The following IQCH variants were observed in gnomAD, a reference collection of about 807,000 sequenced individuals.
IQCH encodes IQ motif containing H, also known as IQ domain-containing protein H.
A neutral mutation model predicts 117.0 loss-of-function variants in IQCH; 98 were observed. The ratio of observed to expected loss-of-function variants is 0.84; its 90% CI spans 0.71 to 0.99. IQCH has a LOEUF of 0.99. Among genes scored for constraint, IQCH ranks in the 50% least tolerant of loss-of-function variants. The pLI is 0.00. For missense variants in IQCH, 1,102 were observed against 1,243.8 expected (o/e 0.89, Z 1.72); for synonymous variants, 412 against 448.2 (o/e 0.92, Z 1.02).
At chr15:67,281,046 A>G (rs945250185) in intron 4 of IQCH, among the ~76,000 whole-genome samples, 1 of 152,018 alleles carries the variant, frequency 6.6e-6, no homozygotes, top group African/African-American at 2.4e-5. Flanking sequence ...GGGTTTCACC[A>G]TCTTGGCCGG....
intron 6 of IQCH, among the ~76,000 whole-genome samples, chr15:67,355,410 C>T (rs1344349529): frequency 6.6e-6 from 1 of 151,864 alleles, no homozygotes; most frequent in African/African-American, 2.4e-5. Flanking sequence ...CACAGTGAAA[C>T]CCCGTCTCTA....
At position 67,400,491 on chromosome 15, in the gene IQCH, C is replaced by CTTTTCTTTTTTTTTTT. The variant is rs776111763; in HGVS notation, c.2097+190_2097+191insCTTTTTTTTTTTTTTT. 1.7e-3 allele frequency among the ~76,000 whole-genome samples: 201 copies of CTTTTCTTTTTTTTTTT among 115,520 alleles called. 3 individuals are homozygous for CTTTTCTTTTTTTTTTT. Among genetic ancestry groups the CTTTTCTTTTTTTTTTT allele is most frequent in the South Asian group, 6.6e-3 (22 of 3,358 alleles). 75.8% of individuals were successfully genotyped at this position (115,520 alleles called of 152,430 possible). The stretch of plus-strand genomic sequence containing the variant: ...TGGGATTGACTGAGTTCTTTTTTTT[C>CTTTTCTTTTTTTTTTT]TTTTTTTTTTTGAGATGGGGCCTCA... On this transcript the variant is annotated intron_variant, in intron 14 of 20. Transcript: ENST00000335894.
At chr15:67,300,330 ATACT>A (rs958545067) in intron 4 of IQCH, among the ~76,000 whole-genome samples, 3 of 152,110 alleles carry the variant, frequency 2.0e-5, no homozygotes, top group Non-Finnish European at 4.4e-5. Context: ...AATTTACAAG[ATACT>A]TACCATACAT....
chr15:67,291,073 T>A (rs769203621), intron 4 of IQCH, among the ~76,000 whole-genome samples: 6 of 152,186 alleles, frequency 3.9e-5, no homozygotes, highest in Non-Finnish European at 7.3e-5. Context: ...CAATCATTAT[T>A]CATGCAAGTC....
In IQCH at chr15:67,396,859, T is replaced by C. The variant is rs115986253; in HGVS notation, c.1905+1296T>C. On this transcript the variant is annotated intron_variant, in intron 13 of 20. Coordinates refer to ENST00000335894, the MANE Select transcript of IQCH (RefSeq NM_001031715.3). ...TTAGTTTGAAGATACTATTAGCTTA[T>C]TAAATTGCCAGCAAGTATTTCACTC... Among the ~76,000 whole-genome samples, 722 of 152,366 alleles carry C rather than the reference T, an allele frequency of 4.7e-3. 4 individuals are homozygous for C. Among genetic ancestry groups the C allele is most frequent in the African/African-American group, 0.017 (687 of 41,594 alleles).
chr15:67,491,847 C>T lies in IQCH; in HGVS notation c.2861+1783C>T, dbSNP rs1326405321. Among the ~76,000 whole-genome samples, 3 of 152,046 alleles carry T rather than the reference C, an allele frequency of 2.0e-5. No individual in the cohort carries two copies. Among genetic ancestry groups the T allele is most frequent in the African/African-American group, 7.2e-5 (3 of 41,402 alleles). Reference sequence around the variant, plus strand: ...TTTGAAAGCATTTTATCAACTGTGCCAGGCACAGTTCTAGGTGCTGGGGAA... The same window carrying T: ...TTTGAAAGCATTTTATCAACTGTGCTAGGCACAGTTCTAGGTGCTGGGGAA... On this transcript the variant is annotated intron_variant, in intron 19 of 20. Coordinates refer to ENST00000335894, the MANE Select transcript of IQCH (RefSeq NM_001031715.3). The surrounding 1 kb of genome is among the most constrained non-coding windows in gnomAD (Gnocchi z 4.9).
At chr15:67,286,754 G>A (rs186819136) in intron 4 of IQCH, among the ~76,000 whole-genome samples, 97 of 152,002 alleles carry the variant, frequency 6.4e-4, no homozygotes, top group Admixed American at 4.3e-3. Flanking sequence ...GATTACAGGC[G>A]CAGGCCACCA....
rs111931256 is a variant in IQCH, at chr15:67,445,444, T to TTTTG, written c.2506-19675_2506-19672dup. Among the ~76,000 whole-genome samples, 21,192 of 152,034 alleles carry TTTTG rather than the reference T, an allele frequency of 0.14. 1,509 individuals carry two copies. Among genetic ancestry groups the TTTTG allele is most frequent in the East Asian group, 0.21 (1,062 of 5,164 alleles). On this transcript the variant is annotated intron_variant, in intron 16 of 20. Coordinates refer to ENST00000335894, the MANE Select transcript of IQCH (RefSeq NM_001031715.3). This position sits in a 1 kb window ranked among gnomAD's most constrained non-coding sequence, Gnocchi z 4.3. ...AGAGTACCTACCTCATGTCTGGTTTTTTTGTTTGTTTTTGAGATGGAGTCT... is the reference window on the plus strand; with the variant it reads ...AGAGTACCTACCTCATGTCTGGTTTTTTTGTTTGTTTGTTTTTGAGATGGAGTCT...
rs1971839140 is a variant in IQCH at position 67,405,208 on chromosome 15, C to T, written c.2097+4903C>T. On this transcript the variant is annotated intron_variant, in intron 14 of 20. Coordinates refer to ENST00000335894, the MANE Select transcript of IQCH (RefSeq NM_001031715.3). This position sits in a 1 kb window ranked among gnomAD's most constrained non-coding sequence, Gnocchi z 4.8. The stretch of plus-strand genomic sequence containing the variant: ...AAAAAATCTAGGTTATTATTTTTTC[C>T]AGTCATGAAACTACATATAAATGAT... 6.6e-6 allele frequency: 1 copy of T among 151,788 alleles called. No individual in the cohort carries two copies. The highest frequency in any genetic ancestry group is 1.5e-5 in the Non-Finnish European group (1 of 67,952). The allele number at this position is 151,788 out of a possible 1,614,324, so 9.4% of individuals were successfully genotyped here.
chr15:67,413,707 A>C lies in IQCH; in HGVS notation c.2098-3224A>C, dbSNP rs1286072050. On this transcript the variant is annotated intron_variant, in intron 14 of 20. Transcript: ENST00000335894. The surrounding 1 kb of genome is among the most constrained non-coding windows in gnomAD (Gnocchi z 5.0). ...TTCCTCTCCATGCCTTTTTTCTTAG[A>C]GAATGAATCATGGCCCCAAGCTGCC... 2.4e-4 allele frequency among the ~76,000 whole-genome samples: 37 copies of C among 152,212 alleles called. No homozygotes were observed. Among genetic ancestry groups the C allele is most frequent in the Non-Finnish European group, 2.9e-5 (2 of 68,000 alleles).
intron 14 of IQCH, among the ~76,000 whole-genome samples, 181 bp downstream of exon 14, chr15:67,400,486 T>TTTTC (rs1971611644): frequency 2.9e-5 from 2 of 68,978 alleles, no homozygotes; most frequent in South Asian, 1.2e-3. Context: ...TGAGTTCTTT[T>TTTTC]TTTTCTTTTT....
chr15:67,324,005 G>T (rs1384455543), intron 4 of IQCH, among the ~76,000 whole-genome samples: 1 of 143,434 alleles, frequency 7.0e-6, no homozygotes, highest in Non-Finnish European at 1.5e-5. Flanking sequence ...ATGCAATGGC[G>T]TGATCTCGGC....
At chr15:67,421,190 T>A in intron 15 of IQCH, 101 bp from the exon 16 acceptor site, 1 of 915,286 alleles carries the variant, frequency 1.1e-6, no homozygotes, top group Non-Finnish European at 1.6e-6. Flanking sequence ...GAATGTAAGC[T>A]ACTTGCCCAA....
intron 4 of IQCH, among the ~76,000 whole-genome samples, chr15:67,314,128 A>G (rs1056067558): frequency 6.6e-5 from 10 of 152,070 alleles, no homozygotes; most frequent in Non-Finnish European, 8.8e-5. Context: ...CCCCACTACT[A>G]CTTACAATTC....
intron 3 of IQCH, among the ~76,000 whole-genome samples, chr15:67,276,732 G>A (rs139733321): frequency 4.1e-4 from 62 of 151,434 alleles, no homozygotes; most frequent in African/African-American, 1.5e-3. Flanking sequence ...TTTCTCCCTG[G>A]CTTCTTGCAA....
At chr15:67,287,388 T>C (rs1966602490) in intron 4 of IQCH, among the ~76,000 whole-genome samples, 1 of 152,152 alleles carries the variant, frequency 6.6e-6, no homozygotes, top group Non-Finnish European at 1.5e-5. Context: ...AACAGTGAGG[T>C]CATCGGGTAC....
chr15:67,416,867 T>C lies in IQCH; in HGVS notation c.2098-64T>C. On this transcript the variant is annotated intron_variant, in intron 14 of 20. Coordinates refer to ENST00000335894, the MANE Select transcript of IQCH (RefSeq NM_001031715.3). This position sits in a 1 kb window ranked among gnomAD's most constrained non-coding sequence, Gnocchi z 5.1. ...TGTTGGAGGCCTGGTTTTTAATCAC[T>C]CCACAAGCAGTTTTCATTTCTGTAG... 4.2e-6 allele frequency: 6 copies of C among 1,441,178 alleles called. No individual in the cohort carries two copies. The highest frequency in any genetic ancestry group is 5.5e-6 in the Non-Finnish European group (6 of 1,084,328). 89.3% of individuals were successfully genotyped at this position (1,441,178 alleles called of 1,614,324 possible). A position where few individuals can be genotyped will look rare whatever the true frequency, so the allele number is the denominator to read the frequency against.
chr15:67,489,134 C>T (rs1033091209), intron 18 of IQCH, among the ~76,000 whole-genome samples: 7 of 140,946 alleles, frequency 5.0e-5, no homozygotes, highest in South Asian at 2.3e-4. Context: ...CCCAGGTTCA[C>T]GCCATTTTCC....
In IQCH at chr15:67,385,644, G is replaced by A. The variant is rs1371203639; in HGVS notation, c.1456+625G>A. On this transcript the variant is annotated intron_variant, in intron 11 of 20. Coordinates refer to ENST00000335894, the MANE Select transcript of IQCH (RefSeq NM_001031715.3). The surrounding 1 kb of genome is among the most constrained non-coding windows in gnomAD (Gnocchi z 4.6). ...ACACCCATCTGGAGCCAGGAGAGAAGGATGCCTGAATGTGATAGCTTTGGT... is the reference window on the plus strand; with the variant it reads ...ACACCCATCTGGAGCCAGGAGAGAAAGATGCCTGAATGTGATAGCTTTGGT... 6.6e-6 allele frequency among the ~76,000 whole-genome samples: 1 copy of A among 152,134 alleles called. No homozygotes were observed. The highest frequency in any genetic ancestry group is 1.5e-5 in the Non-Finnish European group (1 of 68,022).
Sources: allele counts gnomAD v4.1 joint callset (sites outside exome capture counted in the v4.1 genomes callset), GRCh38; gene constraint gnomAD v4.1.1; non-coding constraint Gnocchi (gnomAD v3.1); transcripts MANE v1.5; gene names NCBI Gene and HGNC (gene_info 2026-07-23, HGNC 2026-07-21).